TUT1: variants seen among roughly 807,000 people sequenced by gnomAD.
TUT1 encodes speckle targeted PIP5K1A-regulated poly(A) polymerase.
A neutral mutation model predicts 48.8 loss-of-function variants in TUT1; 26 were observed. That is an observed-to-expected ratio of 0.53 (90% CI 0.39 to 0.74). TUT1 has a LOEUF of 0.74. Ranked by LOEUF, TUT1 falls within the 30% of genes least tolerant of loss-of-function variation. TUT1 has a pLI of 0.00. For missense variants in TUT1, 1,065 were observed against 1,114.8 expected, an observed-to-expected ratio of 0.96 and a Z score of 0.64; for synonymous variants, 470 against 460.8, an observed-to-expected ratio of 1.02 and a Z score of -0.26.
At position 62,575,831 on chromosome 11, in the gene TUT1, C is replaced by T; in HGVS notation, c.1888G>A (p.Ala630Thr). The change falls in exon 9 of 9, where the codon GCA becomes ACA. Residue 630 changes from alanine (A) to threonine (T), a missense_variant. Ala to Thr is a moderately conservative substitution (Grantham distance 58). Transcript: ENST00000476907. The part of the protein sequence containing the change: ...TAALVQVFRE[A>T]LGCHIEQATK... Reference sequence around the variant, plus strand: ...GCCTGTTCTATATGGCACCCCAGTGCTTCCCTGAATACCTGCACCAGGGCA... The same window carrying T: ...GCCTGTTCTATATGGCACCCCAGTGTTTCCCTGAATACCTGCACCAGGGCA... The T allele has an allele frequency of 6.2e-7, 1 of 1,614,234 alleles. No homozygotes were observed. Among genetic ancestry groups the T allele is most frequent in the Middle Eastern group, 1.6e-4 (1 of 6,062 alleles).
In TUT1 at chr11:62,577,211, C is replaced by A; in HGVS notation, c.1241G>T (p.Arg414Leu). The A allele has an allele frequency of 6.2e-7, 1 of 1,610,394 alleles. No homozygotes were observed. The highest frequency in any genetic ancestry group is 8.5e-7 in the Non-Finnish European group (1 of 1,178,928). The change falls in exon 6 of 9, where the codon CGC becomes CTC. Residue 414 changes from arginine to leucine, a missense_variant. Arg to Leu is a moderately radical substitution (Grantham distance 102, BLOSUM62 -2). Transcript: ENST00000476907. ...GRVRPLVYTL[R>L]CWAQGRGLSG... Reference sequence around the variant, plus strand: ...CAGCCCCCGACCCTGAGCCCAGCAGCGGAGGGTGTACACGAGGGGCCGGAC... The same window carrying A: ...CAGCCCCCGACCCTGAGCCCAGCAGAGGAGGGTGTACACGAGGGGCCGGAC...
intron 2 of TUT1, among the ~76,000 whole-genome samples, chr11:62,584,801 G>C (rs1305708660): frequency 6.6e-6 from 1 of 150,586 alleles, no homozygotes; most frequent in African/African-American, 2.4e-5. Flanking sequence ...ACCAACCAAT[G>C]AATTGTATAC....
intron 4 of TUT1, 48 bp downstream of exon 4, chr11:62,581,058 C>T (rs748761273): frequency 1.4e-6 from 2 of 1,470,804 alleles, no homozygotes; most frequent in South Asian, 1.2e-5. Flanking sequence ...AGTCACATGG[C>T]CATTCTCATG....
intron 4 of TUT1, 140 bp from the exon 5 acceptor site, chr11:62,579,170 CTTT>C: frequency 2.4e-6 from 1 of 424,704 alleles, no homozygotes; most frequent in Non-Finnish European, 3.7e-6. Flanking sequence ...CACAGGAACC[CTTT>C]TTTTTTTTAA....
chr11:62,582,419 C>CA (rs1248579028), intron 2 of TUT1: 8,514 of 235,214 alleles, frequency 0.036, no homozygotes, highest in South Asian at 0.08. Context: ...CACCCTGTCT[C>CA]AAAAAAAAAA....
intron 8 of TUT1, 126 bp downstream of exon 8, chr11:62,576,531 G>A (rs925332932): frequency 6.3e-5 from 56 of 895,658 alleles, no homozygotes; most frequent in Middle Eastern, 5.2e-4. Context: ...TAAAATGGCA[G>A]TAATAATATT....
intron 5 of TUT1, among the ~76,000 whole-genome samples, 155 bp downstream of exon 5, chr11:62,578,406 G>A (rs982715249): frequency 8.5e-5 from 13 of 152,230 alleles, no homozygotes; most frequent in Admixed American, 4.6e-4. Context: ...TTAGCCAGGC[G>A]TGGTGGCGCA....
intron 4 of TUT1, 108 bp downstream of exon 4, chr11:62,580,998 T>C (rs1941815268): frequency 1.3e-6 from 1 of 792,972 alleles, no homozygotes; most frequent in Admixed American, 2.2e-5. Flanking sequence ...TCCTATTATC[T>C]GCATTGTAGA....
rs1221306480 is a variant in TUT1, at chr11:62,575,669, C to T, written c.2050G>A (p.Gly684Ser). 1.2e-5 allele frequency: 19 copies of T among 1,613,930 alleles called. No homozygotes were observed. The highest frequency in any genetic ancestry group is 1.5e-5 in the Non-Finnish European group (18 of 1,180,030). Residue 684 changes from glycine to serine, a missense_variant, in exon 9 of 9, where the codon GGT (glycine) becomes AGT (serine). Physicochemically the swap from Gly to Ser is moderately conservative, Grantham distance 56. Transcript: ENST00000476907. ...KEEQQGCAGDGGEDRVEEMVI... is the reference protein window; with the variant it reads ...KEEQQGCAGDSGEDRVEEMVI... ...ATCTCTTCTACCCTGTCTTCCCCAC[C>T]GTCCCCTGCACATCCCTGCTGCTCC...
chr11:62,576,807 T>TA, intron 7 of TUT1, 58 bp from the exon 8 acceptor site: 1 of 1,596,888 alleles, frequency 6.3e-7, no homozygotes, highest in Non-Finnish European at 8.6e-7. Context: ...AGGGTGGGGG[T>TA]AGAGAGATCT....
rs1366884399 is a variant in TUT1, at chr11:62,577,224, C to T, written c.1228G>A (p.Val410Met). 9 of 1,611,558 alleles carry T rather than the reference C, an allele frequency of 5.6e-6. No homozygotes were observed. The highest frequency in any genetic ancestry group is 3.4e-5 in the Admixed American group (2 of 59,026). ...SELDGRVRPL[V>M]YTLRCWAQGR... is the part of the protein sequence containing the mutation. ...TGAGCCCAGCAGCGGAGGGTGTACA[C>T]GAGGGGCCGGACTCGACCATCCAGC... is the stretch of plus-strand genomic sequence containing the variant. The change falls in exon 6 of 9, where the codon GTG becomes ATG. Residue 410 changes from valine (V) to methionine (M), a missense_variant. Physicochemically the swap from Val to Met is conservative, Grantham distance 21. Coordinates refer to ENST00000476907, the MANE Select transcript of TUT1 (RefSeq NM_022830.3).
chr11:62,581,252 G>T (rs540563592), intron 3 of TUT1, 46 bp from the exon 4 acceptor site: 118 of 1,592,456 alleles, frequency 7.4e-5, no homozygotes, highest in Non-Finnish European at 9.4e-5. Context: ...TTAGGGAGGA[G>T]CAGGGGGAAG....
In TUT1 at chr11:62,578,711, C is replaced by T; in HGVS notation, c.1010G>A (p.Gly337Glu). Residue 337 changes from glycine to glutamate, a missense_variant, in exon 5 of 9, where the codon GGG becomes GAG. Gly to Glu is a moderately conservative substitution (Grantham distance 98). Transcript: ENST00000476907. Reference protein sequence around the residue: ...AETPKEEKAEGAAMLELVGSI... With the variant: ...AETPKEEKAEEAAMLELVGSI... ...TCCCACCAGCTCCAGCATTGCTGCCCCCTCTGCTTTCTCCTCCTTTGGGGT... is the reference window on the plus strand; with the variant it reads ...TCCCACCAGCTCCAGCATTGCTGCCTCCTCTGCTTTCTCCTCCTTTGGGGT... 6.2e-7 allele frequency: 1 copy of T among 1,614,200 alleles called. No homozygotes were observed. Among genetic ancestry groups the T allele is most frequent in the South Asian group, 1.1e-5 (1 of 91,086 alleles).
chr11:62,575,823 C>T lies in TUT1; in HGVS notation c.1896G>A (p.Gly632=), dbSNP rs780635123. The T allele has an allele frequency of 8.7e-6, 14 of 1,614,050 alleles. No individual in the cohort carries two copies. The highest frequency in any genetic ancestry group is 1.2e-5 in the Non-Finnish European group (14 of 1,180,044). Residue 632 remains glycine (G), a synonymous_variant, in exon 9 of 9, where the codon GGG becomes GGA. Coordinates refer to ENST00000476907, the MANE Select transcript of TUT1 (RefSeq NM_022830.3). ...ALVQVFREAL[G]CHIEQATKRT... ...TCTTGGTTGCCTGTTCTATATGGCACCCCAGTGCTTCCCTGAATACCTGCA... is the reference window on the plus strand; with the variant it reads ...TCTTGGTTGCCTGTTCTATATGGCATCCCAGTGCTTCCCTGAATACCTGCA...
Position 62,576,246 on chromosome 11 carries a change from TGGA to T in TUT1, c.1475-5_1475-3del, listed in dbSNP as rs761059699. ...AGAAGAACTGGGCTAGCAGGGAACC[TGGA>T]GGAGGAGGAAGAGTGGGGAAAGGGG... On this transcript the variant is annotated splice_region_variant and splice_polypyrimidine_tract_variant and intron_variant, in intron 8 of 8. Transcript: ENST00000476907. The T allele has an allele frequency of 7.7e-6, 12 of 1,565,852 alleles. No homozygotes were observed. The African/African-American group carries it at 1.2e-4, about 16-fold the overall frequency.
At position 62,578,724 on chromosome 11, in the gene TUT1, C is replaced by G. The variant is rs1246001278; in HGVS notation, c.997G>C (p.Glu333Gln). 6.2e-7 allele frequency: 1 copy of G among 1,614,158 alleles called. No individual in the cohort carries two copies. The highest frequency in any genetic ancestry group is 1.7e-5 in the Admixed American group (1 of 60,012). ...ASELAETPKE[E>Q]KAEGAAMLEL... Reference sequence around the variant, plus strand: ...AGCATTGCTGCCCCCTCTGCTTTCTCCTCCTTTGGGGTCTCTGCTAGTTCC... The same window carrying G: ...AGCATTGCTGCCCCCTCTGCTTTCTGCTCCTTTGGGGTCTCTGCTAGTTCC... Residue 333 changes from glutamate (E) to glutamine (Q), a missense_variant, in exon 5 of 9, where the codon GAG (glutamate) becomes CAG (glutamine). By Grantham distance (29) the Glu-to-Gln change is conservative (BLOSUM62 2). Coordinates refer to ENST00000476907, the MANE Select transcript of TUT1 (RefSeq NM_022830.3).
Position 62,589,184 on chromosome 11 carries a change from G to A in TUT1, c.120C>T (p.His40=). 1.2e-6 allele frequency: 2 copies of A among 1,614,202 alleles called. No homozygotes were observed. Among genetic ancestry groups the A allele is most frequent in the Non-Finnish European group, 1.7e-6 (2 of 1,180,040 alleles). Residue 40 remains histidine, a synonymous_variant, in exon 2 of 9, where the codon CAC becomes CAT. Transcript: ENST00000476907. ...SLDAHLGGRK[H]RHLVELRAAR... is the part of the protein sequence containing the mutation. ...CAGCTCGTAGTTCTACCAGGTGCCGGTGCTTTCTGCCTCCCAAGTGGGCAT... is the reference window on the plus strand; with the variant it reads ...CAGCTCGTAGTTCTACCAGGTGCCGATGCTTTCTGCCTCCCAAGTGGGCAT...
intron 1 of TUT1, among the ~76,000 whole-genome samples, 179 bp from the exon 2 acceptor site, chr11:62,589,400 C>CT (rs879925819): frequency 1.2e-4 from 18 of 150,100 alleles, no homozygotes; most frequent in African/African-American, 2.9e-4. Flanking sequence ...ATAGTACATT[C>CT]TTTTTTTTTT....
rs1426645662 is a variant in TUT1 at position 62,576,018 on chromosome 11, G to A, written c.1701C>T (p.Cys567=). The change falls in exon 9 of 9, where the codon TGC becomes TGT. Residue 567 remains cysteine (C), a synonymous_variant. Transcript: ENST00000476907. The part of the protein sequence containing the change: ...SRVAGRLQNC[C]RAAANYCRSL... ...TTCGGCAGTAATTGGCTGCTGCTCG[G>A]CAGCAGTTCTGTAGGCGCCCAGCCA... is the stretch of plus-strand genomic sequence containing the variant. 6.2e-7 allele frequency: 1 copy of A among 1,613,760 alleles called. No homozygotes were observed. Among genetic ancestry groups the A allele is most frequent in the Admixed American group, 1.7e-5 (1 of 60,020 alleles).
Sources: allele counts gnomAD v4.1 joint callset (sites outside exome capture counted in the v4.1 genomes callset), GRCh38; gene constraint gnomAD v4.1.1; transcripts MANE v1.5; gene names NCBI Gene and HGNC (gene_info 2026-07-23, HGNC 2026-07-21).